ZNF704: variants seen among roughly 807,000 people sequenced by gnomAD.
ZNF704 encodes glucocorticoid induced gene 1.
A neutral mutation model predicts 44.7 loss-of-function variants in ZNF704; 10 were observed. That is an observed-to-expected ratio of 0.22 (90% CI 0.14 to 0.38). The LOEUF is 0.38. ZNF704 is among the 10% of genes least tolerant of loss of function. ZNF704 has a pLI of 1.00. For missense variants in ZNF704, 390 were observed against 545.5 expected (o/e 0.71, Z 2.84); for synonymous variants, 211 against 207.6 (o/e 1.02, Z -0.14).
In ZNF704 at chr8:80,631,821, C is replaced by T. The variant is rs758227800; in HGVS notation, c.*9545G>A. On this transcript the variant is annotated 3_prime_UTR_variant, in exon 9 of 9. Coordinates refer to ENST00000327835, the MANE Select transcript of ZNF704 (RefSeq NM_001033723.3). ...ATTTCCCCCGAAGGGAGGGAATAGC[C>T]ACACTGACTGAGCCTTACATCCCAG... 2.0e-5 allele frequency: 3 copies of T among 152,216 alleles called. No homozygotes were observed. The highest frequency in any genetic ancestry group is 2.9e-5 in the Non-Finnish European group (2 of 68,056). 9.4% of individuals were successfully genotyped at this position (152,216 alleles called of 1,614,324 possible).
intron 2 of ZNF704, among the ~76,000 whole-genome samples, chr8:80,762,407 G>A (rs1807147119): frequency 6.6e-6 from 1 of 152,212 alleles, no homozygotes; most frequent in South Asian, 2.1e-4. Flanking sequence ...TGAAGGGGAA[G>A]TAAGGACCTT....
At chr8:80,664,708 G>A (rs1818161210) in intron 6 of ZNF704, 107 bp downstream of exon 6, 17 of 1,361,710 alleles carry the variant, frequency 1.2e-5, no homozygotes, top group South Asian at 3.9e-5. Context: ...CCGGGCTGCC[G>A]TGTGTGATGC....
chr8:80,710,924 G>A (rs567410250), intron 2 of ZNF704, among the ~76,000 whole-genome samples: 1 of 152,158 alleles, frequency 6.6e-6, no homozygotes, highest in Admixed American at 6.5e-5. Flanking sequence ...AGTATACTGG[G>A]GAGGGAGGTT....
chr8:80,666,167 A>C (rs1320858770), intron 5 of ZNF704, among the ~76,000 whole-genome samples: 1 of 128,962 alleles, frequency 7.8e-6, no homozygotes, highest in African/African-American at 3.0e-5. Flanking sequence ...TCCTGTGTCC[A>C]TGTGATCTCA....
At chr8:80,841,454 A>G (rs1292003602) in intron 1 of ZNF704, among the ~76,000 whole-genome samples, 1 of 151,868 alleles carries the variant, frequency 6.6e-6, no homozygotes, top group African/African-American at 2.4e-5. Flanking sequence ...ATATTTTTCA[A>G]TCTGTGTACT....
intron 2 of ZNF704, among the ~76,000 whole-genome samples, chr8:80,728,053 T>C (rs535673325): frequency 2.6e-5 from 4 of 152,308 alleles, no homozygotes; most frequent in African/African-American, 7.2e-5. Context: ...CTCAAGAGTA[T>C]AAAAAACACC....
chr8:80,739,221 G>T (rs1014353556), intron 2 of ZNF704, among the ~76,000 whole-genome samples: 1 of 152,198 alleles, frequency 6.6e-6, no homozygotes, highest in Non-Finnish European at 1.5e-5. Context: ...TGGAAGCCCG[G>T]ATCCCAGGAG....
At position 80,639,491 on chromosome 8, in the gene ZNF704, C is replaced by A. The variant is rs1817710585; in HGVS notation, c.*1875G>T. ...AGTATTGCTGGTGCTGTGACTAGTA[C>A]TGATTGGTAATCAAGATGCAAAATT... is the stretch of plus-strand genomic sequence containing the variant. On this transcript the variant is annotated 3_prime_UTR_variant, in exon 9 of 9. Transcript: ENST00000327835. The A allele has an allele frequency of 1.3e-5, 2 of 152,196 alleles. No homozygotes were observed. The highest frequency in any genetic ancestry group is 4.8e-5 in the African/African-American group (2 of 41,438). 9.4% of individuals were successfully genotyped at this position (152,196 alleles called of 1,614,324 possible).
chr8:80,700,681 G>A (rs1383078089), intron 2 of ZNF704, among the ~76,000 whole-genome samples: 2 of 152,168 alleles, frequency 1.3e-5, no homozygotes, highest in African/African-American at 4.8e-5. Context: ...TGAGTTGGGG[G>A]TGATTAGATG....
At chr8:80,845,724 T>C (rs1253499751) in intron 1 of ZNF704, among the ~76,000 whole-genome samples, 3 of 152,130 alleles carry the variant, frequency 2.0e-5, no homozygotes, top group Non-Finnish European at 2.9e-5. Flanking sequence ...ACACAAAATA[T>C]CTGCAAAATT....
chr8:80,741,134 C>T (rs949633932), intron 2 of ZNF704, among the ~76,000 whole-genome samples: 10 of 152,228 alleles, frequency 6.6e-5, no homozygotes, highest in African/African-American at 2.4e-4. Flanking sequence ...CTTGGCATAA[C>T]AGGCTTCTGC....
chr8:80,829,597 C>T (rs1335982400), intron 1 of ZNF704, among the ~76,000 whole-genome samples: 1 of 151,916 alleles, frequency 6.6e-6, no homozygotes, highest in Non-Finnish European at 1.5e-5. Context: ...TAGCTTTTAG[C>T]TTCAAAAATT....
chr8:80,803,167 T>C (rs1807930212), intron 2 of ZNF704, among the ~76,000 whole-genome samples: 1 of 151,952 alleles, frequency 6.6e-6, no homozygotes, highest in Admixed American at 6.6e-5. Flanking sequence ...AAATACAAAC[T>C]ACTGCTCAAA....
intron 1 of ZNF704, among the ~76,000 whole-genome samples, chr8:80,863,111 C>A (rs1023304523): frequency 6.6e-6 from 1 of 152,088 alleles, no homozygotes; most frequent in Non-Finnish European, 1.5e-5. Context: ...CAAATAGGTA[C>A]TCTTCAGATA....
intron 2 of ZNF704, among the ~76,000 whole-genome samples, chr8:80,746,732 T>G (rs947870896): frequency 6.6e-6 from 1 of 152,172 alleles, no homozygotes; most frequent in Non-Finnish European, 1.5e-5. Context: ...GGACCCATTG[T>G]TACGGGCAAT....
At chr8:80,756,475 T>C (rs984953532) in intron 2 of ZNF704, among the ~76,000 whole-genome samples, 2 of 152,200 alleles carry the variant, frequency 1.3e-5, no homozygotes, top group Admixed American at 6.5e-5. Context: ...GGACCCACTG[T>C]GTTTATGTGT....
intron 2 of ZNF704, among the ~76,000 whole-genome samples, chr8:80,795,501 G>C (rs540416155): frequency 7.2e-5 from 11 of 152,014 alleles, no homozygotes; most frequent in Admixed American, 7.2e-4. Context: ...ATATATCCAG[G>C]ACTGACTGGA....
At chr8:80,730,921 T>C (rs1806570688) in intron 2 of ZNF704, among the ~76,000 whole-genome samples, 1 of 152,254 alleles carries the variant, frequency 6.6e-6, no homozygotes, top group South Asian at 2.1e-4. Context: ...TCATATAATT[T>C]GATAACTGAA....
intron 7 of ZNF704, among the ~76,000 whole-genome samples, chr8:80,658,232 T>G (rs904585191): frequency 6.6e-6 from 1 of 152,140 alleles, no homozygotes; most frequent in African/African-American, 2.4e-5. Flanking sequence ...CATACATCAT[T>G]GAAAATTCTT....
Sources: allele counts gnomAD v4.1 joint callset (sites outside exome capture counted in the v4.1 genomes callset), GRCh38; gene constraint gnomAD v4.1.1; transcripts MANE v1.5; gene names NCBI Gene and HGNC (gene_info 2026-07-23, HGNC 2026-07-21).